THRB: variants seen among roughly 807,000 people sequenced by gnomAD.
The protein encoded by THRB is thyroid hormone receptor beta.
THRB carries 12 observed loss-of-function variants against 47.8 expected under a neutral mutation model. The ratio of observed to expected loss-of-function variants is 0.25; its 90% CI spans 0.16 to 0.41. The LOEUF (loss-of-function observed/expected upper bound fraction) is 0.41. THRB is among the 10% of genes least tolerant of loss of function. The pLI, the probability that THRB is intolerant of heterozygous loss-of-function variation, is 1.00. For synonymous variants in THRB, 218 were observed against 212.2 expected, an observed-to-expected ratio of 1.03 and a Z score of -0.24; for missense variants, 348 against 589.2, an observed-to-expected ratio of 0.59 and a Z score of 4.24.
intron 5 of THRB, among the ~76,000 whole-genome samples, chr3:24,174,870 C>T (rs2683536): frequency 6.6e-6 from 1 of 152,036 alleles, no homozygotes; most frequent in Non-Finnish European, 1.5e-5. Flanking sequence ...ATAACTTGCC[C>T]ACAGTCATAA....
At chr3:24,319,696 G>A (rs1240489149) in intron 2 of THRB, among the ~76,000 whole-genome samples, 1 of 152,120 alleles carries the variant, frequency 6.6e-6, no homozygotes, top group Non-Finnish European at 1.5e-5. Context: ...GCTTTAGCAT[G>A]TGCATGTTAT....
intron 9 of THRB, among the ~76,000 whole-genome samples, chr3:24,132,470 T>C (rs757220624): frequency 1.3e-5 from 2 of 152,216 alleles, no homozygotes; most frequent in African/African-American, 2.4e-5. Context: ...ACAAATATAT[T>C]ATCCCACTTA....
chr3:24,135,642 G>C (rs826383), intron 8 of THRB, among the ~76,000 whole-genome samples: 84,517 of 151,484 alleles, frequency 0.56, 23,928 homozygotes, highest in African/African-American at 0.66. Flanking sequence ...AAAGGTACCT[G>C]TGTTCCTCCT....
chr3:24,365,806 C>G (rs754514341), intron 1 of THRB, among the ~76,000 whole-genome samples: 21 of 152,114 alleles, frequency 1.4e-4, no homozygotes, highest in Non-Finnish European at 2.4e-4. Context: ...CTATTGACTA[C>G]TTATTTTATA....
rs781366451 is a variant in THRB, at chr3:24,143,496, C to T, written c.738+5G>A. 6.8e-6 allele frequency: 11 copies of T among 1,613,950 alleles called. No homozygotes were observed. Among genetic ancestry groups the T allele is most frequent in the Non-Finnish European group, 9.3e-6 (11 of 1,179,938 alleles). ...GTGAAACTGATCTGTGCAAGGAAGC[C>T]TTACCAGGAATTTCCGTTTTTGCTT... On this transcript the variant is annotated splice_donor_5th_base_variant and intron_variant, in intron 8 of 10. Coordinates refer to ENST00000646209, the MANE Select transcript of THRB (RefSeq NM_001354712.2).
At chr3:24,353,853 G>A (rs1444309372) in intron 1 of THRB, among the ~76,000 whole-genome samples, 1 of 152,080 alleles carries the variant, frequency 6.6e-6, no homozygotes, top group Non-Finnish European at 1.5e-5. Context: ...ACACTAAGAT[G>A]AGGGCAAGTC....
intron 2 of THRB, among the ~76,000 whole-genome samples, chr3:24,313,363 G>C (rs144686901): frequency 3.0e-4 from 45 of 152,284 alleles, no homozygotes; most frequent in African/African-American, 1.0e-3. Flanking sequence ...CTTGGATGTA[G>C]TGCTCCATCA....
chr3:24,341,952 G>A (rs540283890), intron 1 of THRB, among the ~76,000 whole-genome samples: 21 of 152,196 alleles, frequency 1.4e-4, no homozygotes, highest in African/African-American at 4.8e-4. Context: ...GAGTCACCTA[G>A]CTGACATACA....
At chr3:24,332,605 T>C (rs924053881) in intron 2 of THRB, among the ~76,000 whole-genome samples, 2 of 152,226 alleles carry the variant, frequency 1.3e-5, no homozygotes, top group South Asian at 4.1e-4. Context: ...TAGGCACTGC[T>C]CCTAACCATT....
chr3:24,214,074 C>G (rs2046327360), intron 4 of THRB, among the ~76,000 whole-genome samples: 1 of 152,204 alleles, frequency 6.6e-6, no homozygotes, highest in African/African-American at 2.4e-5. Flanking sequence ...ATGATCATCT[C>G]CGTTTCACAG....
chr3:24,457,070 G>T (rs1282715202), intron 1 of THRB, among the ~76,000 whole-genome samples: 1 of 152,104 alleles, frequency 6.6e-6, no homozygotes, highest in African/African-American at 2.4e-5. Context: ...GAGGGAGGAA[G>T]AAATTATTAA....
intron 1 of THRB, among the ~76,000 whole-genome samples, chr3:24,375,631 T>TA (rs1281649230): frequency 1.3e-5 from 2 of 151,028 alleles, no homozygotes. Flanking sequence ...CCTTTAAAGC[T>TA]AAATTTTCTT....
chr3:24,158,867 TC>T (rs1559478831), intron 5 of THRB, among the ~76,000 whole-genome samples: 3 of 146,080 alleles, frequency 2.1e-5, no homozygotes, highest in African/African-American at 7.6e-5. Flanking sequence ...TCTCTCTCTC[TC>T]TCTCGCATAC....
intron 3 of THRB, among the ~76,000 whole-genome samples, chr3:24,265,620 T>C (rs530277038): frequency 3.9e-5 from 6 of 152,292 alleles, no homozygotes; most frequent in African/African-American, 1.4e-4. Context: ...ATCTTAGAAA[T>C]GTCTTCATTA....
intron 1 of THRB, among the ~76,000 whole-genome samples, chr3:24,337,941 C>T (rs2149432048): frequency 6.6e-6 from 1 of 152,216 alleles, no homozygotes; most frequent in Admixed American, 6.5e-5. Flanking sequence ...AACACTTCTC[C>T]CAGGTACAAA....
At chr3:24,381,871 C>A (rs563508097) in intron 1 of THRB, among the ~76,000 whole-genome samples, 74 of 151,878 alleles carry the variant, frequency 4.9e-4, no homozygotes, top group Middle Eastern at 3.4e-3. Context: ...TTTACAGATA[C>A]AATCTTTAGA....
At chr3:24,169,696 A>AT (rs1388286473) in intron 5 of THRB, among the ~76,000 whole-genome samples, 7 of 147,926 alleles carry the variant, frequency 4.7e-5, no homozygotes, top group Non-Finnish European at 7.4e-5. Context: ...TTATATATAT[A>AT]TATTATAATA....
chr3:24,189,678 A>G (rs1318559347), intron 5 of THRB, among the ~76,000 whole-genome samples: 2 of 152,254 alleles, frequency 1.3e-5, no homozygotes, highest in African/African-American at 4.8e-5. Flanking sequence ...CCCATTAGCT[A>G]CTGGCACACT....
intron 7 of THRB, 89 bp downstream of exon 7, chr3:24,146,586 G>A: frequency 7.3e-7 from 1 of 1,379,090 alleles, no homozygotes; most frequent in East Asian, 2.3e-5. Flanking sequence ...TTGGGTTCCT[G>A]CCTTCTTTTC....
Sources: allele counts gnomAD v4.1 joint callset (sites outside exome capture counted in the v4.1 genomes callset), GRCh38; gene constraint gnomAD v4.1.1; transcripts MANE v1.5; gene names NCBI Gene and HGNC (gene_info 2026-07-23, HGNC 2026-07-21).